LPIN1: variants seen among roughly 807,000 people sequenced by gnomAD.
LPIN1 encodes phosphatidate phosphatase LPIN1.
In LPIN1, 71 loss-of-function variants were observed where a neutral mutation model predicts 107.5. That is an observed-to-expected ratio of 0.66 (90% confidence interval 0.55 to 0.80). The LOEUF is 0.80. Ranked by LOEUF, LPIN1 falls within the 30% of genes least tolerant of loss-of-function variation. The pLI, the probability that LPIN1 is intolerant of heterozygous loss-of-function variation, is 0.00. For synonymous variants in LPIN1, 445 were observed against 452.6 expected, an observed-to-expected ratio of 0.98 and a Z score of 0.21; for missense variants, 1,043 against 1,160.6, an observed-to-expected ratio of 0.90 and a Z score of 1.47.
intron 18 of LPIN1, chr2:11,818,594 T>C (rs1680988763): frequency 6.5e-6 from 1 of 152,796 alleles, no homozygotes; most frequent in African/African-American, 2.4e-5. Flanking sequence ...ATCTTCTTAA[T>C]GTGCATATTT....
At chr2:11,714,854 A>G (rs1663626770) in intron 2 of LPIN1, among the ~76,000 whole-genome samples, 1 of 152,226 alleles carries the variant, frequency 6.6e-6, no homozygotes, top group Non-Finnish European at 1.5e-5. Flanking sequence ...GTGTGGACTA[A>G]GGATTTGCAG....
At chr2:11,775,229 A>G (rs1672475647) in intron 5 of LPIN1, among the ~76,000 whole-genome samples, 1 of 152,210 alleles carries the variant, frequency 6.6e-6, no homozygotes, top group East Asian at 1.9e-4. Context: ...CAGATATAAG[A>G]CCTTTCTAGA....
rs777064340 is a variant in LPIN1, at chr2:11,753,577, G to GC, written c.-10+6907dup. 5.9e-5 allele frequency among the ~76,000 whole-genome samples: 9 copies of GC among 152,332 alleles called. No individual in the cohort carries two copies. The East Asian group carries it at 1.2e-3, about 20-fold the overall frequency. ...ATAAGTGTGTGCCAGTTACAGCAGGGCGTGGGCTGCTGCCCAGGTGGCCTG... is the reference window on the plus strand; with the variant it reads ...ATAAGTGTGTGCCAGTTACAGCAGGGCCGTGGGCTGCTGCCCAGGTGGCCTG... On this transcript the variant is annotated intron_variant, in intron 1 of 20. Transcript: ENST00000674199.
intron 1 of LPIN1, among the ~76,000 whole-genome samples, chr2:11,737,504 C>A (rs936772658): frequency 6.6e-6 from 1 of 152,000 alleles, no homozygotes; most frequent in Admixed American, 6.5e-5. Context: ...GGTCTGATAC[C>A]CAGAATTTAA....
chr2:11,788,483 G>GGGATGCTAGAAATGATGGGTA, intron 12 of LPIN1, 27 bp downstream of exon 12: 1 of 1,569,662 alleles, frequency 6.4e-7, no homozygotes, highest in African/African-American at 1.4e-5. Flanking sequence ...GAAAGAAAAG[G>GGGATGCTAGAAATGATGGGTA]GGATGCTAGA....
chr2:11,708,657 T>A (rs1663250677), intron 1 of LPIN1, among the ~76,000 whole-genome samples: 1 of 152,166 alleles, frequency 6.6e-6, no homozygotes, highest in African/African-American at 2.4e-5. Context: ...TGTGTTGCAC[T>A]TGGCCAGTTA....
chr2:11,744,813 C>G (rs749533717), upstream of LPIN1, among the ~76,000 whole-genome samples: 5 of 152,166 alleles, frequency 3.3e-5, no homozygotes, highest in African/African-American at 4.8e-5. Context: ...TTTTGGGCAG[C>G]CGTGATGCAC....
At chr2:11,719,791 CTTT>C (rs67142448), upstream of LPIN1, among the ~76,000 whole-genome samples, 4 of 132,802 alleles carry the variant, frequency 3.0e-5, no homozygotes, top group Non-Finnish European at 3.1e-5. Flanking sequence ...CCAATTGCTT[CTTT>C]TTTTTTTTTT....
At chr2:11,725,206 A>T (rs1664500403) in intron 1 of LPIN1, among the ~76,000 whole-genome samples, 2 of 152,242 alleles carry the variant, frequency 1.3e-5, no homozygotes, top group Non-Finnish European at 2.9e-5. Context: ...GCCTGCATTG[A>T]GCTGAGATTG....
chr2:11,708,491 G>A, intron 1 of LPIN1, among the ~76,000 whole-genome samples: 1 of 152,218 alleles, frequency 6.6e-6, no homozygotes, highest in East Asian at 1.9e-4. Flanking sequence ...GAGGAGCTGA[G>A]GCAAGGGGGC....
At chr2:11,690,378 T>C (rs1374410955) in intron 1 of LPIN1, among the ~76,000 whole-genome samples, 1 of 152,240 alleles carries the variant, frequency 6.6e-6, no homozygotes, top group Non-Finnish European at 1.5e-5. Context: ...TAGTCTTCCA[T>C]GAGACATTTA....
rs1041144109 is a variant in LPIN1, at chr2:11,771,679, G to A, written c.596G>A (p.Arg199Lys). 2 of 1,584,830 alleles carry A rather than the reference G, an allele frequency of 1.3e-6. No homozygotes were observed. The highest frequency in any genetic ancestry group is 1.7e-6 in the Non-Finnish European group (2 of 1,165,612). The change falls in exon 4 of 21, where the codon AGA (arginine) becomes AAA (lysine). Residue 199 changes from arginine (R) to lysine (K), a missense_variant and splice_region_variant. Coordinates refer to ENST00000674199, the MANE Select transcript of LPIN1 (RefSeq NM_001349206.2). The surrounding 1 kb of genome is among the most constrained non-coding windows in gnomAD (Gnocchi z 4.8). ...GCCATGGAGCTGCTGGAGAGCAGCA[G>A]GTAATAACTGTCCAGGGTGGAGGGG... is the stretch of plus-strand genomic sequence containing the variant. ...DEAMELLESS[R>K]TLPNDIPPFQ...
chr2:11,803,917 A>T lies in LPIN1; in HGVS notation c.2014-506A>T, dbSNP rs1435493470. Among the ~76,000 whole-genome samples, 1 of 152,198 alleles carries T rather than the reference A, an allele frequency of 6.6e-6. No homozygotes were observed. Among genetic ancestry groups the T allele is most frequent in the Non-Finnish European group, 1.5e-5 (1 of 68,042 alleles). On this transcript the variant is annotated intron_variant, in intron 15 of 20. Transcript: ENST00000674199. This position sits in a 1 kb window ranked among gnomAD's most constrained non-coding sequence, Gnocchi z 4.2. ...TTCTTCTGGATATGAGGCATGACTG[A>T]TAACCAAGACTTCTCTTTTTCCAAT...
intron 13 of LPIN1, 73 bp from the exon 14 acceptor site, chr2:11,795,335 T>A: frequency 2.3e-6 from 3 of 1,281,338 alleles, no homozygotes; most frequent in Non-Finnish European, 3.4e-6. Flanking sequence ...AGGAAGCCCA[T>A]GGGAAAACAC....
intron 18 of LPIN1, chr2:11,817,172 G>A (rs1052247539): frequency 2.0e-5 from 3 of 151,880 alleles, no homozygotes; most frequent in East Asian, 3.9e-4. Flanking sequence ...TATCATTGAC[G>A]GGCACACAAA....
chr2:11,815,363 GCA>G, intron 18 of LPIN1, 123 bp downstream of exon 18: 1 of 1,204,400 alleles, frequency 8.3e-7, no homozygotes, highest in Non-Finnish European at 1.2e-6. Flanking sequence ...ATGCTCCATA[GCA>G]GGCACCAGAA....
At chr2:11,725,035 G>C (rs1025169191) in intron 1 of LPIN1, among the ~76,000 whole-genome samples, 3 of 152,206 alleles carry the variant, frequency 2.0e-5, no homozygotes, top group African/African-American at 7.2e-5. Flanking sequence ...GCCGAGGCGG[G>C]CGGATCACAA....
chr2:11,718,831 A>T (rs1367974186), intron 2 of LPIN1, among the ~76,000 whole-genome samples: 1 of 152,134 alleles, frequency 6.6e-6, no homozygotes, highest in Non-Finnish European at 1.5e-5. Flanking sequence ...CTCTTGGGGG[A>T]CAATTCCCTT....
intron 1 of LPIN1, among the ~76,000 whole-genome samples, chr2:11,729,989 C>A (rs542957051): frequency 1.3e-5 from 2 of 152,032 alleles, no homozygotes; most frequent in South Asian, 2.1e-4. Flanking sequence ...AAATTCTAGT[C>A]TATTATTTAT....
Sources: gnomAD v4.1 joint callset for allele counts (sites outside exome capture counted in the v4.1 genomes callset) on GRCh38, gnomAD v4.1.1 for gene constraint, Gnocchi (gnomAD v3.1) non-coding constraint, MANE v1.5 for transcripts, NCBI Gene and HGNC (gene_info 2026-07-23, HGNC 2026-07-21) for gene names.